NOL3: variants seen among roughly 807,000 people sequenced by gnomAD.
The protein encoded by NOL3 is muscle-enriched cytoplasmic protein.
Under a neutral mutation model 19.2 loss-of-function variants are expected in NOL3, and 18 were observed. The observed-to-expected ratio is 0.94, with a 90% CI of 0.65 to 1.39. The LOEUF (loss-of-function observed/expected upper bound fraction) is 1.39, where lower values mean the gene tolerates loss of function less well. Among genes scored for constraint, NOL3 ranks in the 40% most tolerant of loss-of-function variants. NOL3 has a pLI of 0.00. For synonymous variants in NOL3, 127 were observed against 137.3 expected, an observed-to-expected ratio of 0.93 and a Z score of 0.52; for missense variants, 290 against 289.5, an observed-to-expected ratio of 1.00 and a Z score of -0.01.
At chr16:67,175,001 G>A (rs777523084) in intron 3 of NOL3, 46 bp from the exon 4 acceptor site, 3 of 1,611,616 alleles carry the variant, frequency 1.9e-6, no homozygotes, top group African/African-American at 1.3e-5. Context: ...CCTGGGAAGC[G>A]GATGCCGGAC....
chr16:67,172,878 G>A (rs1016384327), intron 1 of NOL3: 2 of 150,272 alleles, frequency 1.3e-5, no homozygotes, highest in African/African-American at 4.9e-5. Flanking sequence ...TGGATCACGA[G>A]GTCAGGAGTT....
At chr16:67,174,370 C>T in exon 2 of NOL3, 1 of 1,572,942 alleles carries the variant, frequency 6.4e-7, no homozygotes, top group Non-Finnish European at 8.6e-7. Context: ...TGGTGCAGGG[C>T]AAGGGCGAGG....
At chr16:67,171,316 C>G (rs1244921196) in intron 1 of NOL3, 2 of 152,304 alleles carry the variant, frequency 1.3e-5, no homozygotes, top group African/African-American at 4.8e-5. Context: ...AACCACCAGC[C>G]CTTGGGACAC....
exon 2 of NOL3, chr16:67,174,332 G>A (rs759552421): frequency 1.4e-5 from 22 of 1,600,110 alleles, no homozygotes; most frequent in East Asian, 2.3e-5. Flanking sequence ...GCCTGATGCC[G>A]AGCGCAGGGT....
intron 1 of NOL3, chr16:67,173,892 G>A: frequency 6.5e-7 from 1 of 1,535,858 alleles, no homozygotes; most frequent in Non-Finnish European, 8.7e-7. Context: ...GAAAGGCAGG[G>A]GAGGAGAGGA....
intron 1 of NOL3, chr16:67,173,029 C>T (rs551963022): frequency 1.1e-4 from 15 of 138,066 alleles, no homozygotes; most frequent in Admixed American, 4.5e-4. Flanking sequence ...GCCTGGGAGG[C>T]GGAGGTTGCA....
chr16:67,174,921 T>A (rs1413693472), exon 3 of NOL3: 1 of 1,612,792 alleles, frequency 6.2e-7, no homozygotes, highest in African/African-American at 1.3e-5. Context: ...GAGCCCGACT[T>A]CGAGGAAAGG....
At chr16:67,172,297 C>T (rs1433907109) in intron 1 of NOL3, among the ~76,000 whole-genome samples, 1 of 152,078 alleles carries the variant, frequency 6.6e-6, no homozygotes, top group African/African-American at 2.4e-5. Context: ...CAGGAATGGG[C>T]CATAATCCTT....
At position 67,173,991 on chromosome 16, in the gene NOL3, C is replaced by T. The variant is rs569921017; in HGVS notation, c.-8-171C>T. On this transcript the variant is annotated intron_variant, in intron 1 of 3. Coordinates refer to ENST00000268605, the Ensembl canonical transcript of NOL3. ...GGAGAGGCAGGAGGACACCGAGTTCCCCGTGTTGGCCTCCAGGTCCTGTGC... is the reference window on the plus strand; with the variant it reads ...GGAGAGGCAGGAGGACACCGAGTTCTCCGTGTTGGCCTCCAGGTCCTGTGC... The T allele has an allele frequency of 1.3e-4, 206 of 1,539,804 alleles. No homozygotes were observed. The African/African-American group carries it at 2.5e-3, about 19-fold the overall frequency.
rs1030068331 is a variant in NOL3 at position 67,170,744 on chromosome 16, C to G, written c.-9+170C>G. On this transcript the variant is annotated intron_variant, in intron 1 of 3. Transcript: ENST00000268605. The surrounding 1 kb of genome is among the most constrained non-coding windows in gnomAD (Gnocchi z 5.7). Reference sequence around the variant, plus strand: ...GGGCCCCGCCCTGCCGCAGGACTCTCAAGCTCTGGGACTGGGTGGAGGGAG... The same window carrying G: ...GGGCCCCGCCCTGCCGCAGGACTCTGAAGCTCTGGGACTGGGTGGAGGGAG... Among the ~76,000 whole-genome samples the G allele has an allele frequency of 2.3e-4, 35 of 151,812 alleles. 1 individual carries two copies. Among genetic ancestry groups the G allele is most frequent in the Admixed American group, 2.6e-4 (4 of 15,294 alleles).
At chr16:67,171,441 G>A (rs551429575) in intron 1 of NOL3, 1 of 152,524 alleles carries the variant, frequency 6.6e-6, no homozygotes, top group East Asian at 1.9e-4. Flanking sequence ...CAAAGGCTCC[G>A]AGGTGCCAGA....
At chr16:67,173,979 G>T in intron 1 of NOL3, 183 bp from the exon 2 acceptor site, 1 of 1,538,020 alleles carries the variant, frequency 6.5e-7, no homozygotes, top group Non-Finnish European at 8.7e-7. Flanking sequence ...GAGGCAGGAG[G>T]ACACCGAGTT....
At chr16:67,174,717 C>T in exon 3 of NOL3, 1 of 1,610,772 alleles carries the variant, frequency 6.2e-7, no homozygotes, top group African/African-American at 1.3e-5. Flanking sequence ...CCCAGAGCTT[C>T]AGACCCTGAC....
At chr16:67,175,170 T>C (rs750345423) in exon 4 of NOL3, 6 of 1,584,002 alleles carry the variant, frequency 3.8e-6, no homozygotes, top group Non-Finnish European at 4.3e-6. Flanking sequence ...TGGAAGTGAA[T>C]AAACTCCGGA....
At chr16:67,175,707 T>C (rs149556040) in exon 4 of NOL3, 2 of 152,428 alleles carry the variant, frequency 1.3e-5, no homozygotes, top group African/African-American at 2.4e-5. Context: ...TTATAATATA[T>C]TCGCTTACTA....
intron 1 of NOL3, chr16:67,173,871 G>T (rs2031923419): frequency 1.3e-6 from 2 of 1,535,048 alleles, no homozygotes; most frequent in African/African-American, 2.7e-5. Flanking sequence ...GAGAGTAGAT[G>T]CCAGTCCTGG....
chr16:67,174,222 G>T (rs2031966985), exon 2 of NOL3: 1 of 1,613,010 alleles, frequency 6.2e-7, no homozygotes, highest in Non-Finnish European at 8.5e-7. Context: ...GAGCGGAAAC[G>T]CCTGGTCGAG....
rs370535035 is a variant in NOL3, at chr16:67,170,786, GA to G, written c.-9+216del. On this transcript the variant is annotated intron_variant, in intron 1 of 3. Transcript: ENST00000268605. The surrounding 1 kb of genome is among the most constrained non-coding windows in gnomAD (Gnocchi z 5.7). ...TGGAGGGAGGTAAGGGGCGGGGGGGGAAAATCCGTGCAGTCGCACATGCGCA... is the reference window on the plus strand; with the variant it reads ...TGGAGGGAGGTAAGGGGCGGGGGGGGAAATCCGTGCAGTCGCACATGCGCA... Among the ~76,000 whole-genome samples, 8,141 of 152,000 alleles carry G rather than the reference GA, an allele frequency of 0.054. 644 individuals carry two copies. The highest frequency in any genetic ancestry group is 0.17 in the African/African-American group (7,141 of 41,430).
At position 67,170,824 on chromosome 16, in the gene NOL3, C is replaced by T. The variant is rs1385074767; in HGVS notation, c.-9+250C>T. 6.6e-6 allele frequency among the ~76,000 whole-genome samples: 1 copy of T among 152,230 alleles called. No individual in the cohort carries two copies. The highest frequency in any genetic ancestry group is 1.5e-5 in the Non-Finnish European group (1 of 68,040). ...GTCGCACATGCGCAAAGGCTCTTCA[C>T]TGTCCCAAGACCCTGGCTTCCTGGC... On this transcript the variant is annotated intron_variant, in intron 1 of 3. Transcript: ENST00000268605. The surrounding 1 kb of genome is among the most constrained non-coding windows in gnomAD (Gnocchi z 5.7).
Sources: allele counts gnomAD v4.1 joint callset (sites outside exome capture counted in the v4.1 genomes callset), GRCh38; gene constraint gnomAD v4.1.1; non-coding constraint Gnocchi (gnomAD v3.1); transcripts MANE v1.5; gene names NCBI Gene and HGNC (gene_info 2026-07-23, HGNC 2026-07-21).